The following POLE variants were observed in gnomAD, a reference collection of about 807,000 sequenced individuals.
POLE encodes DNA polymerase epsilon catalytic subunit A.
A neutral mutation model predicts 279.2 loss-of-function variants in POLE; 188 were observed. The observed-to-expected ratio is 0.67, with a 90% CI of 0.60 to 0.76. The LOEUF is 0.76. POLE is among the 30% of genes least tolerant of loss of function. The pLI, the probability that POLE is intolerant of heterozygous loss-of-function variation, is 0.00. For missense variants in POLE, 2,703 were observed against 3,016.7 expected (o/e 0.90, Z 2.44); for synonymous variants, 1,214 against 1,172.5 (o/e 1.04, Z -0.72).
intron 5 of POLE, 58 bp downstream of exon 5, chr12:132,679,896 C>A: frequency 7.7e-7 from 1 of 1,295,026 alleles, no homozygotes; most frequent in Admixed American, 2.0e-5. Context: ...ATCCCACCTG[C>A]CAGGAACAAT....
intron 39 of POLE, among the ~76,000 whole-genome samples, chr12:132,640,100 G>A (rs1026477290): frequency 6.6e-6 from 1 of 152,180 alleles, no homozygotes; most frequent in Non-Finnish European, 1.5e-5. Flanking sequence ...TCCTTTAAAT[G>A]GACCATTCAG....
At position 132,642,715 on chromosome 12, in the gene POLE, C is replaced by T. The variant is rs1463001701; in HGVS notation, c.4743G>A (p.Gly1581=). ...FLLAYKEERR[G]PTLIAVQSSW... is the part of the protein sequence containing the mutation. ...TGGACTGAACAGCGATGAGTGTGGGCCCCCGGCGCTCCTCCTGGGTCAAGG... is the reference window on the plus strand; with the variant it reads ...TGGACTGAACAGCGATGAGTGTGGGTCCCCGGCGCTCCTCCTGGGTCAAGG... The change falls in exon 37 of 49, where the codon GGG becomes GGA. Residue 1581 remains glycine (G), a synonymous_variant. Transcript: ENST00000320574. 3 of 1,613,270 alleles carry T rather than the reference C, an allele frequency of 1.9e-6. No individual in the cohort carries two copies. Among genetic ancestry groups the T allele is most frequent in the Non-Finnish European group, 1.7e-6 (2 of 1,179,716 alleles).
At chr12:132,626,604 C>A (rs975316503) in intron 45 of POLE, among the ~76,000 whole-genome samples, 1 of 147,630 alleles carries the variant, frequency 6.8e-6, no homozygotes. Flanking sequence ...TTCTATGAGG[C>A]CAGCATCCCC....
In POLE at chr12:132,673,748, A is replaced by T. The variant is rs766453532; in HGVS notation, c.1227-41T>A. The T allele has an allele frequency of 6.8e-6, 11 of 1,608,818 alleles. No homozygotes were observed. In the South Asian group the frequency reaches 1.2e-4, roughly 18 times the overall value. Reference sequence around the variant, plus strand: ...GAACAGAAGCCAGGATGATTCTAACATGCAGCCCGGGAACCCCTGAGAACT... The same window carrying T: ...GAACAGAAGCCAGGATGATTCTAACTTGCAGCCCGGGAACCCCTGAGAACT... On this transcript the variant is annotated intron_variant, in intron 12 of 48. Coordinates refer to ENST00000320574, the MANE Select transcript of POLE (RefSeq NM_006231.4).
At chr12:132,651,584 C>T in intron 29 of POLE, among the ~76,000 whole-genome samples, 1 of 152,268 alleles carries the variant, frequency 6.6e-6, no homozygotes, top group South Asian at 2.1e-4. Flanking sequence ...GGCCCAACGA[C>T]CCCCACTTCC....
chr12:132,660,688 C>G (rs1394980113), intron 25 of POLE: 9 of 284,544 alleles, frequency 3.2e-5, no homozygotes, highest in Non-Finnish European at 3.3e-5. Context: ...TTCCTGGTCT[C>G]AAGTGATCCT....
In POLE at chr12:132,681,241, C is replaced by A. The variant is rs747005851; in HGVS notation, c.101G>T (p.Arg34Leu). 2.5e-5 allele frequency: 41 copies of A among 1,614,076 alleles called. No homozygotes were observed. Among genetic ancestry groups the A allele is most frequent in the Non-Finnish European group, 3.4e-5 (40 of 1,180,038 alleles). Residue 34 changes from arginine (R) to leucine (L), a missense_variant, in exon 2 of 49, where the codon CGC becomes CTC. This residue lies in a region of POLE where 1,011 missense variants were observed against 1,111.7 expected (regional missense o/e 0.91). Coordinates refer to ENST00000320574, the MANE Select transcript of POLE (RefSeq NM_006231.4). Reference protein sequence around the residue: ...GATSSVSALKRLERSQWTDKM... With the variant: ...GATSSVSALKLLERSQWTDKM... ...ATCCGTCCACTGACTCCGTTCCAGG[C>A]GCTTGAGTGCCGAAACTGAGGAAGT...
chr12:132,666,558 G>A lies in POLE; in HGVS notation c.2319+945C>T, dbSNP rs191421731. On this transcript the variant is annotated intron_variant, in intron 20 of 48. Coordinates refer to ENST00000320574, the MANE Select transcript of POLE (RefSeq NM_006231.4). ...GGTCACACCACTGTGCTCCAACCTT[G>A]GTGACAGAGTGAGACCCCGTCTCCA... 4.6e-5 allele frequency among the ~76,000 whole-genome samples: 7 copies of A among 152,342 alleles called. No homozygotes were observed. In the East Asian group the frequency reaches 1.4e-3, roughly 29 times the overall value.
chr12:132,661,644 G>C lies in POLE; in HGVS notation c.2747C>G (p.Pro916Arg), dbSNP rs766707934. 1 of 1,614,104 alleles carries C rather than the reference G, an allele frequency of 6.2e-7. No individual in the cohort carries two copies. The highest frequency in any genetic ancestry group is 8.5e-7 in the Non-Finnish European group (1 of 1,180,000). Reference protein sequence around the residue: ...TNDQYQELAEPSSLTYVTRSE... With the variant: ...TNDQYQELAERSSLTYVTRSE... Reference sequence around the variant, plus strand: ...GCGGGTGACGTAGGTGAGTGAGGACGGCTCAGCCAGCTCCTGGTACTGGTC... The same window carrying C: ...GCGGGTGACGTAGGTGAGTGAGGACCGCTCAGCCAGCTCCTGGTACTGGTC... The change falls in exon 24 of 49, where the codon CCG (proline) becomes CGG (arginine). Residue 916 changes from proline (P) to arginine (R), a missense_variant. Transcript: ENST00000320574. This position sits in a 1 kb window ranked among gnomAD's most constrained non-coding sequence, Gnocchi z 4.1.
intron 25 of POLE, 60 bp from the exon 26 acceptor site, chr12:132,659,569 C>T: frequency 7.1e-7 from 1 of 1,418,190 alleles, no homozygotes; most frequent in South Asian, 1.2e-5. Flanking sequence ...TGAGCTCACC[C>T]TGGACTGTGC....
chr12:132,670,772 A>G (rs2042910418), intron 16 of POLE, among the ~76,000 whole-genome samples: 1 of 150,578 alleles, frequency 6.6e-6, no homozygotes, highest in East Asian at 2.0e-4. Context: ...TACAGGCGTG[A>G]GCCACCGTGC....
At chr12:132,627,870 ACT>A (rs1188141324) in intron 45 of POLE, among the ~76,000 whole-genome samples, 1 of 151,820 alleles carries the variant, frequency 6.6e-6, no homozygotes, top group Non-Finnish European at 1.5e-5. Flanking sequence ...GCATCAACTG[ACT>A]CTTCCTTCCA....
Position 132,673,290 on chromosome 12 carries a change from C to G in POLE, c.1360-13G>C, listed in dbSNP as rs149689764. 1.3e-6 allele frequency: 2 copies of G among 1,542,256 alleles called. No homozygotes were observed. Among genetic ancestry groups the G allele is most frequent in the Non-Finnish European group, 1.8e-6 (2 of 1,114,508 alleles). Reference sequence around the variant, plus strand: ...ACGTGGCCAGAGTCTGAGGAGAGAACGCCAGAGAGCAGGGCCATCAAAAAT... The same window carrying G: ...ACGTGGCCAGAGTCTGAGGAGAGAAGGCCAGAGAGCAGGGCCATCAAAAAT... On this transcript the variant is annotated splice_polypyrimidine_tract_variant and intron_variant, in intron 13 of 48. Transcript: ENST00000320574.
Position 132,675,689 on chromosome 12 carries a change from C to T in POLE, c.1106+46G>A. 1 of 1,582,330 alleles carries T rather than the reference C, an allele frequency of 6.3e-7. No individual in the cohort carries two copies. The highest frequency in any genetic ancestry group is 1.3e-5 in the African/African-American group (1 of 74,366). ...CGCCCCTGCACCACGCAACGCCCTC[C>T]CTCTCAAATGCTGCCCAGTTACTCA... On this transcript the variant is annotated intron_variant, in intron 11 of 48. Transcript: ENST00000320574. This position sits in a 1 kb window ranked among gnomAD's most constrained non-coding sequence, Gnocchi z 4.3.
At chr12:132,680,470 G>T in intron 3 of POLE, 137 bp downstream of exon 3, 1 of 711,596 alleles carries the variant, frequency 1.4e-6, no homozygotes, top group Non-Finnish European at 2.5e-6. Flanking sequence ...GATGACTGAT[G>T]GGGCCTCCAG....
rs2135976265 is a variant in POLE, at chr12:132,668,488, T to C, written c.2041A>G (p.Ser681Gly). The C allele has an allele frequency of 1.3e-6, 2 of 1,599,050 alleles. No homozygotes were observed. The highest frequency in any genetic ancestry group is 1.7e-6 in the Non-Finnish European group (2 of 1,171,656). Residue 681 changes from serine to glycine, a missense_variant, in exon 19 of 49, where the codon AGC becomes GGC. This residue lies in a region of POLE where 1,011 missense variants were observed against 1,111.7 expected (regional missense o/e 0.91). Coordinates refer to ENST00000320574, the MANE Select transcript of POLE (RefSeq NM_006231.4). The surrounding 1 kb of genome is among the most constrained non-coding windows in gnomAD (Gnocchi z 4.0). Reference sequence around the variant, plus strand: ...TGGTGCTGGATCCGATGGTATTCGCTGCGACTGGCTGGCACTGGGAAGGAG... The same window carrying C: ...TGGTGCTGGATCCGATGGTATTCGCCGCGACTGGCTGGCACTGGGAAGGAG... ...WRGEFMPASR[S>G]EYHRIQHQLE...
intron 21 of POLE, 83 bp downstream of exon 21, chr12:132,665,219 A>G: frequency 2.2e-6 from 3 of 1,394,982 alleles, no homozygotes; most frequent in Non-Finnish European, 3.0e-6. Flanking sequence ...CCCTCCATGC[A>G]CAGCAGCCTA....
intron 47 of POLE, chr12:132,625,371 T>A: frequency 1.4e-6 from 1 of 735,926 alleles, no homozygotes; most frequent in Non-Finnish European, 2.5e-6. Flanking sequence ...TGCAACTCCC[T>A]CTTCCTCCTT....
rs371147799 is a variant in POLE, at chr12:132,679,616, G to C, written c.459C>G (p.Ile153Met). 8 of 1,612,782 alleles carry C rather than the reference G, an allele frequency of 5.0e-6. No individual in the cohort carries two copies. In the African/African-American group the frequency reaches 1.1e-4, roughly 22 times the overall value. ...NHLVGLKRNY[I>M]RLSFHTVEDL... ...CCTCCACAGTGTGGAAGGACAGCCT[G>C]ATGTAATTTCGCTTCAAACCCACCA... is the stretch of plus-strand genomic sequence containing the variant. Residue 153 changes from isoleucine to methionine, a missense_variant, in exon 6 of 49, where the codon ATC (isoleucine) becomes ATG (methionine). Around this residue, in one of 5 missense-constraint regions of POLE, gnomAD observed 1,011 missense variants for 1,111.7 expected, o/e 0.91. Transcript: ENST00000320574.
Sources: allele counts gnomAD v4.1 joint callset (sites outside exome capture counted in the v4.1 genomes callset), GRCh38; gene constraint gnomAD v4.1.1; regional missense constraint gnomAD v4.1.1; non-coding constraint Gnocchi (gnomAD v3.1); transcripts MANE v1.5; gene names NCBI Gene and HGNC (gene_info 2026-07-23, HGNC 2026-07-21).